Variants in FHDC1 observed in about 807,000 individuals in gnomAD.
FHDC1 encodes FH2 domain-containing protein 1.
Under a neutral mutation model 52.6 loss-of-function variants are expected in FHDC1, and 25 were observed. The observed-to-expected ratio is 0.48, with a 90% CI of 0.35 to 0.66. The LOEUF (loss-of-function observed/expected upper bound fraction) is 0.66, where lower values mean the gene tolerates loss of function less well. Ranked by LOEUF, FHDC1 falls within the 30% of genes least tolerant of loss-of-function variation. The pLI is 0.01. For synonymous variants in FHDC1, 616 were observed against 581.5 expected, an observed-to-expected ratio of 1.06 and a Z score of -0.85; for missense variants, 1,459 against 1,452.8, an observed-to-expected ratio of 1.00 and a Z score of -0.07.
chr4:152,911,523 T>C, the FHDC1 span: 1 of 152,528 alleles, frequency 6.6e-6, no homozygotes, highest in Admixed American at 6.5e-5. Flanking sequence ...GTGTAATCCA[T>C]TTTCAATGTA....
intron 10 of FHDC1, among the ~76,000 whole-genome samples, chr4:152,971,424 T>C (rs927929310): frequency 6.6e-6 from 1 of 152,162 alleles, no homozygotes; most frequent in African/African-American, 2.4e-5. Context: ...GTGGAGCCCT[T>C]TTTCTCCGCA....
At position 152,976,867 on chromosome 4, in the gene FHDC1, A is replaced by G. The variant is rs116590179; in HGVS notation, c.*144A>G. ...GCTAGTGACGCTGTTGGGATGGCACAGTCCAGGAGGCCTGTGGACTGCAGC... is the reference window on the plus strand; with the variant it reads ...GCTAGTGACGCTGTTGGGATGGCACGGTCCAGGAGGCCTGTGGACTGCAGC... On this transcript the variant is annotated 3_prime_UTR_variant, in exon 12 of 12. Transcript: ENST00000511601. 1.6e-3 allele frequency: 1,730 copies of G among 1,113,042 alleles called. 20 individuals carry two copies. In the African/African-American group the frequency reaches 0.024, roughly 15 times the overall value. The allele number at this position is 1,113,042 out of a possible 1,614,324, so 68.9% of individuals were successfully genotyped here.
upstream of FHDC1, among the ~76,000 whole-genome samples, chr4:152,934,939 ACTC>A (rs1271420203): frequency 6.6e-6 from 1 of 151,956 alleles, no homozygotes; most frequent in Admixed American, 6.6e-5. Context: ...ATGCCACTCA[ACTC>A]CTCACTTTCG....
the FHDC1 span, among the ~76,000 whole-genome samples, chr4:152,915,771 G>A: frequency 3.3e-5 from 5 of 152,168 alleles, no homozygotes; most frequent in East Asian, 9.7e-4. Flanking sequence ...AGAGATTAAT[G>A]GAAAACAGAC....
chr4:152,954,694 AAAAG>A (rs1038501830), intron 4 of FHDC1, among the ~76,000 whole-genome samples: 3 of 151,858 alleles, frequency 2.0e-5, no homozygotes, highest in Non-Finnish European at 4.4e-5. Context: ...CTCTAAAAAA[AAAAG>A]AAAGAAAGAA....
At chr4:152,921,846 A>G in the FHDC1 span, among the ~76,000 whole-genome samples, 1 of 152,194 alleles carries the variant, frequency 6.6e-6, no homozygotes, top group African/African-American at 2.4e-5. Flanking sequence ...TCTCTGGGAC[A>G]CATTCAAAGC....
intron 4 of FHDC1, among the ~76,000 whole-genome samples, chr4:152,958,307 T>G (rs564688691): frequency 6.6e-6 from 1 of 152,096 alleles, no homozygotes; most frequent in South Asian, 2.1e-4. Context: ...TTAATCAATG[T>G]TTTTTTTGGT....
At chr4:152,972,113 G>A (rs12501574) in intron 10 of FHDC1, among the ~76,000 whole-genome samples, 110,793 of 152,084 alleles carry the variant, frequency 0.73, 41,471 homozygotes, top group Non-Finnish European at 0.83. Flanking sequence ...TGTTAGTGAC[G>A]TTCTGCAGGT....
At chr4:152,932,096 A>G (rs6535884), upstream of FHDC1, among the ~76,000 whole-genome samples, 61,213 of 151,866 alleles carry the variant, frequency 0.4, 12,979 homozygotes, top group Admixed American at 0.51. Flanking sequence ...TCAAAAATGA[A>G]GTATTGGCTG....
At chr4:152,940,321 A>G (rs946915730) in intron 1 of FHDC1, among the ~76,000 whole-genome samples, 10 of 152,266 alleles carry the variant, frequency 6.6e-5, no homozygotes, top group Non-Finnish European at 1.2e-4. Flanking sequence ...CAGACAGCAT[A>G]CCAGGGACAC....
At chr4:152,931,222 G>T in the FHDC1 span, among the ~76,000 whole-genome samples, 5 of 151,924 alleles carry the variant, frequency 3.3e-5, no homozygotes, top group South Asian at 1.0e-3. Flanking sequence ...CTGTTTTCTG[G>T]TGGTAAATAA....
rs1269333163 is a variant in FHDC1, at chr4:152,975,233, A to T, written c.1942A>T (p.Arg648Trp). 1 of 1,613,338 alleles carries T rather than the reference A, an allele frequency of 6.2e-7. No homozygotes were observed. Residue 648 changes from arginine to tryptophan, a missense_variant, in exon 12 of 12, where the codon AGG becomes TGG. Arg to Trp is a moderately radical substitution (Grantham distance 101). Transcript: ENST00000511601. The part of the protein sequence containing the change: ...RRQGVSVLRK[R>W]YSEPVSLGSA... Reference sequence around the variant, plus strand: ...CCAGGGCGTCAGTGTCCTCCGAAAGAGGTACAGTGAGCCGGTGAGCCTGGG... The same window carrying T: ...CCAGGGCGTCAGTGTCCTCCGAAAGTGGTACAGTGAGCCGGTGAGCCTGGG...
chr4:152,912,474 G>A, the FHDC1 span: 1 of 152,000 alleles, frequency 6.6e-6, no homozygotes, highest in Non-Finnish European at 1.5e-5. Context: ...TTAGGTTATA[G>A]TCCTAGAAGT....
intron 4 of FHDC1, among the ~76,000 whole-genome samples, chr4:152,956,452 C>A (rs1390211496): frequency 6.6e-6 from 1 of 152,102 alleles, no homozygotes; most frequent in African/African-American, 2.4e-5. Context: ...ATTTAAAATT[C>A]AAAGGTGATT....
At position 152,976,524 on chromosome 4, in the gene FHDC1, C is replaced by G; in HGVS notation, c.3233C>G (p.Ala1078Gly). ...AGGGTGAAAGGGGACCCCGAGGATG[C>G]CGCTCCCAAGGACAGCAGCACTTTG... ...QLRVKGDPED[A>G]APKDSSTLRR... is the part of the protein sequence containing the mutation. The change falls in exon 12 of 12, where the codon GCC (alanine) becomes GGC (glycine). Residue 1078 changes from alanine (A) to glycine (G), a missense_variant. By Grantham distance (60) the Ala-to-Gly change is moderately conservative. Coordinates refer to ENST00000511601, the MANE Select transcript of FHDC1 (RefSeq NM_001371116.1). The G allele has an allele frequency of 6.2e-7, 1 of 1,613,134 alleles. No individual in the cohort carries two copies. The highest frequency in any genetic ancestry group is 8.5e-7 in the Non-Finnish European group (1 of 1,179,912).
At chr4:152,936,819 T>C (rs1272737707) in intron 1 of FHDC1, among the ~76,000 whole-genome samples, 1 of 152,238 alleles carries the variant, frequency 6.6e-6, no homozygotes, top group African/African-American at 2.4e-5. Context: ...ATCCCGACCC[T>C]TGGGAGACAG....
intron 4 of FHDC1, among the ~76,000 whole-genome samples, chr4:152,958,474 C>T (rs1389653058): frequency 6.7e-6 from 1 of 150,362 alleles, no homozygotes; most frequent in Non-Finnish European, 1.5e-5. Flanking sequence ...ACGGTCTTTC[C>T]ATCACCCTTC....
At chr4:152,916,177 G>T in the FHDC1 span, among the ~76,000 whole-genome samples, 2 of 152,052 alleles carry the variant, frequency 1.3e-5, no homozygotes, top group African/African-American at 2.4e-5. Flanking sequence ...GAAAACAAAA[G>T]ATTTGAGATC....
At chr4:152,915,319 G>A in the FHDC1 span, among the ~76,000 whole-genome samples, 14 of 152,188 alleles carry the variant, frequency 9.2e-5, no homozygotes, top group African/African-American at 3.4e-4. Flanking sequence ...CGCCATGTGT[G>A]TCAGGCTGGC....
Sources: gnomAD v4.1 joint callset for allele counts (sites outside exome capture counted in the v4.1 genomes callset) on GRCh38, gnomAD v4.1.1 for gene constraint, MANE v1.5 for transcripts, NCBI Gene and HGNC (gene_info 2026-07-23, HGNC 2026-07-21) for gene names.